Variants in TRIM59 observed in about 807,000 individuals in gnomAD.
TRIM59 encodes the protein tripartite motif containing 59.
A neutral mutation model predicts 32.2 loss-of-function variants in TRIM59; 14 were observed. The observed-to-expected ratio is 0.43, with a 90% CI of 0.29 to 0.68. TRIM59 has a LOEUF of 0.68. Ranked by LOEUF, TRIM59 falls within the 30% of genes least tolerant of loss-of-function variation. The pLI is 0.15. For synonymous variants in TRIM59, 163 were observed against 155.1 expected (o/e 1.05, Z -0.38); for missense variants, 471 against 463.3 (o/e 1.02, Z -0.15).
chr3:160,448,620 C>A (rs1719659845), intron 2 of TRIM59, 106 bp downstream of exon 2: 2 of 634,710 alleles, frequency 3.2e-6, no homozygotes, highest in Middle Eastern at 5.9e-4. Flanking sequence ...ACCGCCAACA[C>A]AATGTTTTTT....
rs1560023681 is a variant in TRIM59 at position 160,438,449 on chromosome 3, C to T, written c.735G>A (p.Glu245=). The change falls in exon 3 of 3, where the codon GAG becomes GAA. Residue 245 remains glutamate (E), a synonymous_variant. Transcript: ENST00000309784. The part of the protein sequence containing the change: ...LMALTISLQE[E]SPLKFLEKVD... The stretch of plus-strand genomic sequence containing the variant: ...CTTTTTCAAGAAATTTAAGTGGAGA[C>T]TCTTCTTGTAAAGATATTGTCAGTG... 6.2e-7 allele frequency: 1 copy of T among 1,614,032 alleles called. No individual in the cohort carries two copies. The highest frequency in any genetic ancestry group is 2.2e-5 in the East Asian group (1 of 44,868).
At position 160,438,231 on chromosome 3, in the gene TRIM59, C is replaced by A. The variant is rs1317238114; in HGVS notation, c.953G>T (p.Gly318Val). Residue 318 changes from glycine (G) to valine (V), a missense_variant, in exon 3 of 3, where the codon GGT becomes GTT. Physicochemically the swap from Gly to Val is moderately radical, Grantham distance 109 (BLOSUM62 -3). Transcript: ENST00000309784. Reference protein sequence around the residue: ...SPKRMSCSWPGKDEKEVEFLK... With the variant: ...SPKRMSCSWPVKDEKEVEFLK... Reference sequence around the variant, plus strand: ...AAATTCAACTTCCTTTTCATCCTTACCAGGCCAGGAACATGACATCCTTTT... The same window carrying A: ...AAATTCAACTTCCTTTTCATCCTTAACAGGCCAGGAACATGACATCCTTTT... 3.1e-6 allele frequency: 5 copies of A among 1,613,730 alleles called. No homozygotes were observed. Among genetic ancestry groups the A allele is most frequent in the Middle Eastern group, 1.7e-4 (1 of 6,058 alleles).
intron 2 of TRIM59, among the ~76,000 whole-genome samples, chr3:160,442,276 A>T (rs1049923703): frequency 6.6e-6 from 1 of 152,194 alleles, no homozygotes; most frequent in African/African-American, 2.4e-5. Flanking sequence ...CAAAAGCTCA[A>T]CTTTCTTTAG....
At chr3:160,439,623 G>A (rs1363527249) in intron 2 of TRIM59, among the ~76,000 whole-genome samples, 1 of 152,056 alleles carries the variant, frequency 6.6e-6, no homozygotes, top group Non-Finnish European at 1.5e-5. Context: ...CACGAGATCT[G>A]ATGGTTTTGT....
chr3:160,442,585 C>T (rs993940542), intron 2 of TRIM59, among the ~76,000 whole-genome samples: 4 of 151,792 alleles, frequency 2.6e-5, no homozygotes, highest in Admixed American at 2.6e-4. Context: ...AAGCAAAAAT[C>T]GTGGTTGGTC....
rs563648716 is a variant in TRIM59 at position 160,448,166 on chromosome 3, TATTA to T, written c.-4+556_-4+559del. ...AACTAGAAACAAAACAAAAAAAGAC[TATTA>T]ATTCAATTTAACCGGAATTGACTTG... On this transcript the variant is annotated intron_variant, in intron 2 of 2. Coordinates refer to ENST00000309784, the MANE Select transcript of TRIM59 (RefSeq NM_173084.3). 1.2e-4 allele frequency among the ~76,000 whole-genome samples: 18 copies of T among 152,310 alleles called. No individual in the cohort carries two copies. The South Asian group carries it at 3.5e-3, about 30-fold the overall frequency.
intron 2 of TRIM59, among the ~76,000 whole-genome samples, chr3:160,443,645 C>CTT (rs75761921): frequency 6.8e-6 from 1 of 147,230 alleles, no homozygotes. Context: ...AAAGACAGAT[C>CTT]TTTTTTTTTT....
chr3:160,437,453 A>G lies in TRIM59; in HGVS notation c.*519T>C. 1 of 985,310 alleles carries G rather than the reference A, an allele frequency of 1.0e-6. No homozygotes were observed. The highest frequency in any genetic ancestry group is 1.2e-6 in the Non-Finnish European group (1 of 829,810). 61.0% of individuals were successfully genotyped at this position (985,310 alleles called of 1,614,324 possible). ...ATAAGCATTTAGGGCTCTTAAATCT[A>G]TCTCAAACACAGGTATGTTTGATCA... On this transcript the variant is annotated 3_prime_UTR_variant, in exon 3 of 3. Coordinates refer to ENST00000309784, the MANE Select transcript of TRIM59 (RefSeq NM_173084.3).
chr3:160,436,232 A>G lies in TRIM59; in HGVS notation c.*1740T>C, dbSNP rs1324275114. 1.0e-6 allele frequency: 1 copy of G among 994,466 alleles called. No individual in the cohort carries two copies. Among genetic ancestry groups the G allele is most frequent in the Non-Finnish European group, 1.2e-6 (1 of 835,516 alleles). 61.6% of individuals were successfully genotyped at this position (994,466 alleles called of 1,614,324 possible). ...AGAGTTTTAGAACTAGTTCCCTGAA[A>G]AAGCTGTATTTATGATAGTTTATGT... On this transcript the variant is annotated 3_prime_UTR_variant, in exon 3 of 3. Transcript: ENST00000309784.
In TRIM59 at chr3:160,437,998, A is replaced by G; in HGVS notation, c.1186T>C (p.Phe396Leu). 1 of 1,555,398 alleles carries G rather than the reference A, an allele frequency of 6.4e-7. No homozygotes were observed. Among genetic ancestry groups the G allele is most frequent in the South Asian group, 1.2e-5 (1 of 80,598 alleles). Residue 396 changes from phenylalanine to leucine, a missense_variant, in exon 3 of 3, where the codon TTT (phenylalanine) becomes CTT (leucine). Transcript: ENST00000309784. ...LCHIFYLLKE[F>L]VWKIVSH ...CAATGGGAAACTATTTTCCACACAA[A>G]TTCCTTCAACAAATAGAAAATGTGA...
rs1317238114 is a variant in TRIM59 at position 160,438,231 on chromosome 3, C to T, written c.953G>A (p.Gly318Asp). ...AAATTCAACTTCCTTTTCATCCTTA[C>T]CAGGCCAGGAACATGACATCCTTTT... The part of the protein sequence containing the change: ...SPKRMSCSWP[G>D]KDEKEVEFLK... Residue 318 changes from glycine to aspartate, a missense_variant, in exon 3 of 3, where the codon GGT becomes GAT. Physicochemically the swap from Gly to Asp is moderately conservative, Grantham distance 94. Coordinates refer to ENST00000309784, the MANE Select transcript of TRIM59 (RefSeq NM_173084.3). 1.2e-6 allele frequency: 2 copies of T among 1,613,612 alleles called. No individual in the cohort carries two copies. The highest frequency in any genetic ancestry group is 1.3e-5 in the African/African-American group (1 of 74,894).
At position 160,437,768 on chromosome 3, in the gene TRIM59, A is replaced by G; in HGVS notation, c.*204T>C. ...ATAGTGTATTACTTTTCAAATTGTT[A>G]CTAGATTCTGTTTCCCAAAGATTTG... is the stretch of plus-strand genomic sequence containing the variant. On this transcript the variant is annotated 3_prime_UTR_variant, in exon 3 of 3. Coordinates refer to ENST00000309784, the MANE Select transcript of TRIM59 (RefSeq NM_173084.3). 1 of 1,231,686 alleles carries G rather than the reference A, an allele frequency of 8.1e-7. No homozygotes were observed. Among genetic ancestry groups the G allele is most frequent in the Non-Finnish European group, 1.0e-6 (1 of 987,966 alleles). The allele number at this position is 1,231,686 out of a possible 1,614,324, so 76.3% of individuals were successfully genotyped here. A position where few individuals can be genotyped will look rare whatever the true frequency, so the allele number is the denominator to read the frequency against.
At chr3:160,449,600 A>C in intron 1 of TRIM59, 117 bp downstream of exon 1, 3 of 1,289,422 alleles carry the variant, frequency 2.3e-6, no homozygotes, top group Non-Finnish European at 3.0e-6. Context: ...CACTCCCTCC[A>C]TCGTCGCGCC....
chr3:160,449,358 C>T (rs1162925944), intron 1 of TRIM59: 4 of 503,092 alleles, frequency 8.0e-6, no homozygotes, highest in East Asian at 7.9e-5. Flanking sequence ...TCTTCCCTTC[C>T]CCTTCTCAAA....
At position 160,436,532 on chromosome 3, in the gene TRIM59, C is replaced by T. The variant is rs952513354; in HGVS notation, c.*1440G>A. The T allele has an allele frequency of 5.1e-6, 5 of 985,488 alleles. No homozygotes were observed. The highest frequency in any genetic ancestry group is 5.2e-4 in the Middle Eastern group (1 of 1,916). 61.0% of individuals were successfully genotyped at this position (985,488 alleles called of 1,614,324 possible). A position where few individuals can be genotyped will look rare whatever the true frequency, so the allele number is the denominator to read the frequency against. On this transcript the variant is annotated 3_prime_UTR_variant, in exon 3 of 3. Transcript: ENST00000309784. ...TAAGTTGTTGGGCCGGGCGTGGCGG[C>T]TCACGCCTATAATCCCAGCATTTTG...
chr3:160,439,301 C>G (rs1007753705), intron 2 of TRIM59, 115 bp from the exon 3 acceptor site: 4 of 831,014 alleles, frequency 4.8e-6, no homozygotes, highest in Non-Finnish European at 5.1e-6. Context: ...TAAAAGAGAA[C>G]AAGGTATTTT....
At chr3:160,449,644 C>T in intron 1 of TRIM59, 73 bp downstream of exon 1, 1 of 1,289,708 alleles carries the variant, frequency 7.8e-7, no homozygotes, top group Non-Finnish European at 1.0e-6. Context: ...CTAGGCACAC[C>T]AGACTGTGCT....
At position 160,448,610 on chromosome 3, in the gene TRIM59, A is replaced by C. The variant is rs576844187; in HGVS notation, c.-4+116T>G. ...CGATAAAATGGTTGGAGTTTTATAC[A>C]CCGCCAACACAATGTTTTTTCAAAA... On this transcript the variant is annotated intron_variant, in intron 2 of 2. Transcript: ENST00000309784. 143 of 541,540 alleles carry C rather than the reference A, an allele frequency of 2.6e-4. 6 individuals carry two copies. The highest frequency in any genetic ancestry group is 2.5e-3 in the South Asian group (140 of 55,764). The allele number at this position is 541,540 out of a possible 1,614,324, so 33.5% of individuals were successfully genotyped here. A position where few individuals can be genotyped will look rare whatever the true frequency, so the allele number is the denominator to read the frequency against.
chr3:160,436,063 GTA>G lies in TRIM59; in HGVS notation c.*1907_*1908del. The G allele has an allele frequency of 8.5e-7, 1 of 1,171,828 alleles. No individual in the cohort carries two copies. The allele number at this position is 1,171,828 out of a possible 1,614,324, so 72.6% of individuals were successfully genotyped here. ...ACTTAGTATTTTTATCTCTAGCTGAGTATGTGTCTCTCCTTACCTCTACTATG... is the reference window on the plus strand; with the variant it reads ...ACTTAGTATTTTTATCTCTAGCTGAGTGTGTCTCTCCTTACCTCTACTATG... On this transcript the variant is annotated 3_prime_UTR_variant, in exon 3 of 3. Transcript: ENST00000309784.
Sources: gnomAD v4.1 joint callset for allele counts (sites outside exome capture counted in the v4.1 genomes callset) on GRCh38, gnomAD v4.1.1 for gene constraint, MANE v1.5 for transcripts, NCBI Gene and HGNC (gene_info 2026-07-23, HGNC 2026-07-21) for gene names.